CHMP4B: variants seen among roughly 807,000 people sequenced by gnomAD.
CHMP4B encodes charged multivesicular body protein 4B.
In CHMP4B, 1 loss-of-function variant was observed where a neutral mutation model predicts 25.1. That is an observed-to-expected ratio of 0.04 (90% CI 0.01 to 0.19). The LOEUF (loss-of-function observed/expected upper bound fraction) is 0.19, where lower values mean the gene tolerates loss of function less well. Among genes scored for constraint, CHMP4B ranks in the 10% least tolerant of loss-of-function variants. The probability of loss-of-function intolerance (pLI) is 1.00; values close to 1 mark genes in which losing one functional copy is unlikely to be tolerated. For synonymous variants in CHMP4B, 101 were observed against 115.6 expected (o/e 0.87, Z 0.81); for missense variants, 151 against 289.7 (o/e 0.52, Z 3.48).
At chr20:33,844,026 A>G (rs2122809388) in intron 1 of CHMP4B, among the ~76,000 whole-genome samples, 1 of 152,346 alleles carries the variant, frequency 6.6e-6, no homozygotes, top group South Asian at 2.1e-4. Context: ...CACTGCGAAG[A>G]GGGGAAGAGG....
At chr20:33,845,126 A>G (rs1293134450) in intron 1 of CHMP4B, among the ~76,000 whole-genome samples, 2 of 152,082 alleles carry the variant, frequency 1.3e-5, no homozygotes, top group African/African-American at 4.8e-5. Flanking sequence ...GGAAGAGCAT[A>G]GAGCTGGGAG....
chr20:33,830,779 T>C (rs564452060), intron 1 of CHMP4B, among the ~76,000 whole-genome samples: 57 of 152,190 alleles, frequency 3.7e-4, no homozygotes, highest in African/African-American at 1.3e-3. Context: ...ATAGCACTCC[T>C]TAGCTTTTTG....
At chr20:33,835,707 G>C (rs540768201) in intron 1 of CHMP4B, among the ~76,000 whole-genome samples, 1 of 152,320 alleles carries the variant, frequency 6.6e-6, no homozygotes, top group African/African-American at 2.4e-5. Flanking sequence ...CCAGAGGCTG[G>C]GGTATGTATA....
Position 33,844,577 on chromosome 20 carries a change from G to A in CHMP4B, c.191-3890G>A, listed in dbSNP as rs1183106928. Among the ~76,000 whole-genome samples, 4 of 152,316 alleles carry A rather than the reference G, an allele frequency of 2.6e-5. No homozygotes were observed. The East Asian group carries it at 7.7e-4, about 29-fold the overall frequency. On this transcript the variant is annotated intron_variant, in intron 1 of 4. Transcript: ENST00000217402. Reference sequence around the variant, plus strand: ...TAGGGTTGGCATACAAGGAGTCACTGCCAGTGGAAAATATATTGGAGAAAA... The same window carrying A: ...TAGGGTTGGCATACAAGGAGTCACTACCAGTGGAAAATATATTGGAGAAAA...
rs545947573 is a variant in CHMP4B at position 33,822,754 on chromosome 20, A to G, written c.190+11096A>G. Among the ~76,000 whole-genome samples the G allele has an allele frequency of 1.1e-3, 169 of 152,296 alleles. 2 individuals carry two copies. The South Asian group carries it at 0.011, about 10-fold the overall frequency. On this transcript the variant is annotated intron_variant, in intron 1 of 4. Coordinates refer to ENST00000217402, the MANE Select transcript of CHMP4B (RefSeq NM_176812.5). ...TTTTGGAGGTGTAAAGGACACAGCA[A>G]TATAGGCCCAGGCCTAGTTAAGTAC...
intron 1 of CHMP4B, among the ~76,000 whole-genome samples, chr20:33,825,587 A>G (rs561206207): frequency 6.6e-6 from 1 of 152,342 alleles, no homozygotes; most frequent in South Asian, 2.1e-4. Flanking sequence ...TAAAAAGCCA[A>G]CAGGCTACCC....
intron 1 of CHMP4B, among the ~76,000 whole-genome samples, chr20:33,846,622 T>C (rs990490406): frequency 1.3e-5 from 2 of 152,228 alleles, no homozygotes; most frequent in African/African-American, 4.8e-5. Flanking sequence ...CGTTTTCCCT[T>C]GGCAAATGGT....
intron 1 of CHMP4B, among the ~76,000 whole-genome samples, chr20:33,821,893 T>C (rs948508109): frequency 6.6e-6 from 1 of 152,158 alleles, no homozygotes; most frequent in African/African-American, 2.4e-5. Context: ...CTTGGCTCAC[T>C]GTAACCTCCG....
chr20:33,830,450 A>G (rs890637251), intron 1 of CHMP4B, among the ~76,000 whole-genome samples: 1 of 152,206 alleles, frequency 6.6e-6, no homozygotes, highest in South Asian at 2.1e-4. Context: ...TTATTTTCTC[A>G]GTTCTGGAGA....
intron 1 of CHMP4B, among the ~76,000 whole-genome samples, chr20:33,814,142 C>T (rs186165915): frequency 1.2e-3 from 181 of 152,288 alleles, no homozygotes; most frequent in African/African-American, 4.1e-3. Flanking sequence ...CAGGCTGTCT[C>T]CCTGAGTTTG....
chr20:33,827,558 T>C (rs1002576122), intron 1 of CHMP4B, among the ~76,000 whole-genome samples: 1 of 152,238 alleles, frequency 6.6e-6, no homozygotes, highest in Non-Finnish European at 1.5e-5. Flanking sequence ...AACTGAATAA[T>C]GGTTTTTAGC....
intron 4 of CHMP4B, among the ~76,000 whole-genome samples, chr20:33,853,049 T>C (rs1979900097): frequency 6.6e-6 from 1 of 152,006 alleles, no homozygotes; most frequent in Non-Finnish European, 1.5e-5. Context: ...CCTCCTCAAG[T>C]AGAGTCAGCT....
At chr20:33,812,565 A>G (rs1293782566) in intron 1 of CHMP4B, among the ~76,000 whole-genome samples, 2 of 152,182 alleles carry the variant, frequency 1.3e-5, no homozygotes, top group African/African-American at 2.4e-5. Flanking sequence ...CTTAAGTGAG[A>G]TGAATGTGAA....
intron 1 of CHMP4B, among the ~76,000 whole-genome samples, chr20:33,838,716 C>G: frequency 6.6e-6 from 1 of 152,128 alleles, no homozygotes; most frequent in Non-Finnish European, 1.5e-5. Flanking sequence ...GACTATGGCC[C>G]TCACTAACCA....
chr20:33,849,456 T>C (rs1979783630), intron 2 of CHMP4B, among the ~76,000 whole-genome samples: 1 of 152,060 alleles, frequency 6.6e-6, no homozygotes, highest in Non-Finnish European at 1.5e-5. Context: ...AAAAATTAGC[T>C]GGGTGTCGTG....
chr20:33,830,794 C>G (rs71349735), intron 1 of CHMP4B, among the ~76,000 whole-genome samples: 2 of 152,194 alleles, frequency 1.3e-5, no homozygotes, highest in South Asian at 4.2e-4. Context: ...TTTTTGTTTT[C>G]TGATTGACTA....
intron 1 of CHMP4B, among the ~76,000 whole-genome samples, chr20:33,825,849 C>G (rs551258655): frequency 6.6e-6 from 1 of 152,276 alleles, no homozygotes; most frequent in South Asian, 2.1e-4. Flanking sequence ...AGAGGCCAAG[C>G]CCACACAAAG....
intron 1 of CHMP4B, among the ~76,000 whole-genome samples, chr20:33,821,853 G>A (rs1302391814): frequency 6.6e-6 from 1 of 151,916 alleles, no homozygotes; most frequent in Non-Finnish European, 1.5e-5. Context: ...CAGTCTTGCT[G>A]TCGCCCAGGC....
chr20:33,820,101 C>T (rs1156640983), intron 1 of CHMP4B, among the ~76,000 whole-genome samples: 1 of 152,026 alleles, frequency 6.6e-6, no homozygotes, highest in Non-Finnish European at 1.5e-5. Flanking sequence ...TGGTGTGAAC[C>T]CGAGAGCCGG....
Sources: gnomAD v4.1 joint callset for allele counts (sites outside exome capture counted in the v4.1 genomes callset) on GRCh38, gnomAD v4.1.1 for gene constraint, MANE v1.5 for transcripts, NCBI Gene and HGNC (gene_info 2026-07-23, HGNC 2026-07-21) for gene names.